PAN3: variants seen among roughly 807,000 people sequenced by gnomAD.
The protein encoded by PAN3 is poly(A) specific ribonuclease subunit PAN3, also known as PAN2-PAN3 deadenylation complex subunit PAN3.
A neutral mutation model predicts 96.2 loss-of-function variants in PAN3; 19 were observed. The observed-to-expected ratio is 0.20, with a 90% CI of 0.14 to 0.29. The LOEUF (loss-of-function observed/expected upper bound fraction) is 0.29. PAN3 is among the 10% of genes least tolerant of loss of function. The pLI is 1.00. For missense variants in PAN3, 882 were observed against 1,108.1 expected (o/e 0.80, Z 2.90); for synonymous variants, 433 against 406.6 (o/e 1.06, Z -0.78).
chr13:28,270,526 G>C (rs1221726717), intron 12 of PAN3, among the ~76,000 whole-genome samples, 175 bp from the exon 13 acceptor site: 1 of 152,154 alleles, frequency 6.6e-6, no homozygotes, highest in Non-Finnish European at 1.5e-5. Flanking sequence ...TCTCGGACAG[G>C]AATCTTTGGG....
chr13:28,291,336 T>C (rs1268042958), intron 18 of PAN3, among the ~76,000 whole-genome samples: 1 of 152,194 alleles, frequency 6.6e-6, no homozygotes, highest in Non-Finnish European at 1.5e-5. Flanking sequence ...TAAGGATCAG[T>C]ATTTATGCTT....
chr13:28,231,314 A>G (rs1414791452), intron 6 of PAN3, among the ~76,000 whole-genome samples: 1 of 152,230 alleles, frequency 6.6e-6, no homozygotes, highest in Middle Eastern at 3.2e-3. Context: ...CAAAGGGAAG[A>G]TTACTATGTG....
At chr13:28,141,238 C>T (rs1342604148) in intron 1 of PAN3, among the ~76,000 whole-genome samples, 1 of 151,818 alleles carries the variant, frequency 6.6e-6, no homozygotes, top group Non-Finnish European at 1.5e-5. Flanking sequence ...CTCCTGACCT[C>T]AGGTGATCGT....
intron 12 of PAN3, among the ~76,000 whole-genome samples, chr13:28,267,978 G>C (rs1886324500): frequency 6.6e-6 from 1 of 152,182 alleles, no homozygotes; most frequent in East Asian, 1.9e-4. Flanking sequence ...ACTAAGATAA[G>C]ATAGATTTTT....
At chr13:28,219,691 T>C (rs1286711859) in intron 5 of PAN3, among the ~76,000 whole-genome samples, 1 of 152,250 alleles carries the variant, frequency 6.6e-6, no homozygotes, top group Non-Finnish European at 1.5e-5. Flanking sequence ...TTAGGATCGC[T>C]TTAGTTTTTC....
intron 12 of PAN3, among the ~76,000 whole-genome samples, chr13:28,268,975 A>G (rs571302171): frequency 1.3e-5 from 2 of 152,196 alleles, no homozygotes; most frequent in Non-Finnish European, 2.9e-5. Flanking sequence ...AACTATTCTT[A>G]TAGATGACTA....
chr13:28,140,536 C>T (rs994247992), intron 1 of PAN3, among the ~76,000 whole-genome samples: 24 of 151,926 alleles, frequency 1.6e-4, no homozygotes, highest in Non-Finnish European at 2.6e-4. Context: ...AATATCTTCC[C>T]CGGGGTTTTG....
chr13:28,194,660 G>T (rs1037153481), intron 4 of PAN3, among the ~76,000 whole-genome samples: 9 of 151,560 alleles, frequency 5.9e-5, no homozygotes, highest in African/African-American at 2.2e-4. Context: ...AGTAGAGATG[G>T]TGTTTCACCT....
At chr13:28,203,773 G>C (rs1342924036) in intron 5 of PAN3, among the ~76,000 whole-genome samples, 1 of 151,132 alleles carries the variant, frequency 6.6e-6, no homozygotes, top group Non-Finnish European at 1.5e-5. Context: ...GTGTTGTTTA[G>C]TGAGAAAGCG....
intron 4 of PAN3, among the ~76,000 whole-genome samples, chr13:28,178,245 C>T (rs1342216749): frequency 6.6e-6 from 1 of 152,030 alleles, no homozygotes; most frequent in Non-Finnish European, 1.5e-5. Context: ...TAATGTGACC[C>T]ATTGTAAGCA....
intron 4 of PAN3, among the ~76,000 whole-genome samples, chr13:28,188,018 T>C (rs977485585): frequency 3.3e-5 from 5 of 152,186 alleles, no homozygotes; most frequent in Admixed American, 3.3e-4. Context: ...AATGACACTT[T>C]AAAATGATCT....
At chr13:28,167,689 A>G (rs2138062927) in intron 1 of PAN3, among the ~76,000 whole-genome samples, 1 of 151,450 alleles carries the variant, frequency 6.6e-6, no homozygotes, top group African/African-American at 2.4e-5. Flanking sequence ...AAAAAAAAAA[A>G]AAAAATTAGC....
chr13:28,237,595 G>T (rs963277396), intron 6 of PAN3, among the ~76,000 whole-genome samples: 2 of 152,158 alleles, frequency 1.3e-5, no homozygotes, highest in Non-Finnish European at 2.9e-5. Context: ...ACCGGTTCGG[G>T]TTTATTACAT....
At chr13:28,184,480 G>A (rs1424114698) in intron 4 of PAN3, among the ~76,000 whole-genome samples, 2 of 152,048 alleles carry the variant, frequency 1.3e-5, no homozygotes, top group Admixed American at 6.6e-5. Context: ...TGGTAATATG[G>A]AGAGGAGGAG....
intron 6 of PAN3, among the ~76,000 whole-genome samples, chr13:28,248,295 T>TTGGC (rs1884398424): frequency 6.6e-6 from 1 of 152,226 alleles, no homozygotes; most frequent in African/African-American, 2.4e-5. Flanking sequence ...CTAAGTTTGT[T>TTGGC]TATCACTTCT....
intron 5 of PAN3, among the ~76,000 whole-genome samples, chr13:28,218,175 T>TTTAAAG (rs1490383975): frequency 1.3e-5 from 2 of 152,104 alleles, no homozygotes; most frequent in Non-Finnish European, 2.9e-5. Context: ...TACATGTTAT[T>TTTAAAG]TTAAAGATTT....
chr13:28,140,148 T>C (rs1869508041), intron 1 of PAN3, among the ~76,000 whole-genome samples: 1 of 152,078 alleles, frequency 6.6e-6, no homozygotes, highest in African/African-American at 2.4e-5. Context: ...AGTAGTCTCG[T>C]TGTGTTGGCC....
At chr13:28,207,939 G>A (rs1208854946) in intron 5 of PAN3, among the ~76,000 whole-genome samples, 2 of 152,140 alleles carry the variant, frequency 1.3e-5, no homozygotes, top group African/African-American at 4.8e-5. Context: ...CTAGTACACT[G>A]CCTTGCACAG....
intron 6 of PAN3, among the ~76,000 whole-genome samples, chr13:28,235,682 T>TACACACACATACACAC (rs1555285729): frequency 4.9e-5 from 6 of 123,512 alleles, no homozygotes; most frequent in African/African-American, 1.7e-4. Context: ...TTCTCTAATA[T>TACACACACATACACAC]ACACACACAC....
Sources: allele counts gnomAD v4.1 joint callset (sites outside exome capture counted in the v4.1 genomes callset), GRCh38; gene constraint gnomAD v4.1.1; transcripts MANE v1.5; gene names NCBI Gene and HGNC (gene_info 2026-07-23, HGNC 2026-07-21).